Variants in DUSP14 observed in about 807,000 individuals in gnomAD.
DUSP14 encodes the protein dual specificity protein phosphatase 14.
Under a neutral mutation model 13.2 loss-of-function variants are expected in DUSP14, and 5 were observed. That is an observed-to-expected ratio of 0.38 (90% CI 0.20 to 0.80). The LOEUF (loss-of-function observed/expected upper bound fraction) is 0.80. Among genes scored for constraint, DUSP14 ranks in the 30% least tolerant of loss-of-function variants. The pLI is 0.44. For synonymous variants in DUSP14, 91 were observed against 103.4 expected (o/e 0.88, Z 0.73); for missense variants, 185 against 264.0 (o/e 0.70, Z 2.07).
At chr17:37,509,542 G>A (rs1354532725) in intron 1 of DUSP14, among the ~76,000 whole-genome samples, 1 of 151,424 alleles carries the variant, frequency 6.6e-6, no homozygotes, top group Non-Finnish European at 1.5e-5. Context: ...GGCTGGTCTC[G>A]AACTCCTGGC....
chr17:37,495,885 C>T (rs991536523), intron 1 of DUSP14, among the ~76,000 whole-genome samples: 1 of 152,136 alleles, frequency 6.6e-6, no homozygotes, highest in Admixed American at 6.6e-5. Flanking sequence ...GTCTCGATCT[C>T]ATGACCTCGT....
intron 1 of DUSP14, among the ~76,000 whole-genome samples, chr17:37,496,289 T>C (rs910513419): frequency 1.3e-5 from 2 of 152,216 alleles, no homozygotes; most frequent in African/African-American, 4.8e-5. Flanking sequence ...AAAATATTTT[T>C]TACTTTTAGA....
chr17:37,499,150 C>T (rs2054088627), intron 1 of DUSP14, among the ~76,000 whole-genome samples: 1 of 152,058 alleles, frequency 6.6e-6, no homozygotes, highest in African/African-American at 2.4e-5. Flanking sequence ...GGGGAAATGC[C>T]AGACGCTTAT....
At position 37,498,154 on chromosome 17, in the gene DUSP14, A is replaced by T. The variant is rs114835952; in HGVS notation, c.-181+8196A>T. 4.9e-3 allele frequency among the ~76,000 whole-genome samples: 746 copies of T among 151,850 alleles called. 4 individuals carry two copies. Among genetic ancestry groups the T allele is most frequent in the African/African-American group, 0.017 (695 of 41,424 alleles). ...TAGAGCATTTCACATTTCACATGAT[A>T]TTTCTTTTTTTTCCTTTTTGTCACA... On this transcript the variant is annotated intron_variant, in intron 1 of 2. Coordinates refer to ENST00000617516, the MANE Select transcript of DUSP14 (RefSeq NM_007026.4).
chr17:37,502,905 C>G (rs1300314678), intron 1 of DUSP14, among the ~76,000 whole-genome samples: 1 of 152,168 alleles, frequency 6.6e-6, no homozygotes, highest in African/African-American at 2.4e-5. Context: ...CAGCGTCGTT[C>G]TGTCGCCTAG....
At chr17:37,501,964 C>T (rs1272231825) in intron 1 of DUSP14, among the ~76,000 whole-genome samples, 4 of 152,074 alleles carry the variant, frequency 2.6e-5, no homozygotes, top group African/African-American at 9.7e-5. Context: ...CCAGTTGTTT[C>T]GTTCACTCAA....
At chr17:37,511,938 C>CTTTTTTTT (rs58893696) in intron 2 of DUSP14, among the ~76,000 whole-genome samples, 3 of 38,252 alleles carry the variant, frequency 7.8e-5, no homozygotes, top group East Asian at 9.5e-4. Context: ...CCCCACCCCA[C>CTTTTTTTT]TTTTTTTTTT....
At chr17:37,505,554 C>A (rs73291809) in intron 1 of DUSP14, among the ~76,000 whole-genome samples, 1 of 151,560 alleles carries the variant, frequency 6.6e-6, no homozygotes, top group African/African-American at 2.4e-5. Context: ...ACTGTTGTGG[C>A]CATTTTCTGC....
At position 37,510,806 on chromosome 17, in the gene DUSP14, C is replaced by G. The variant is rs2054178628; in HGVS notation, c.-93+42C>G. ...TGCCTGCCTGTTGAACCCGGGGAGG[C>G]TCTTGTCTGACTGAAATCACTGCAG... On this transcript the variant is annotated intron_variant, in intron 2 of 2. Transcript: ENST00000617516. 3 of 152,308 alleles carry G rather than the reference C, an allele frequency of 2.0e-5. No homozygotes were observed. In the South Asian group the frequency reaches 6.2e-4, roughly 32 times the overall value. The allele number at this position is 152,308 out of a possible 1,614,324, so 9.4% of individuals were successfully genotyped here.
At chr17:37,505,345 G>T (rs58201617) in intron 1 of DUSP14, among the ~76,000 whole-genome samples, 34,283 of 152,094 alleles carry the variant, frequency 0.23, 4,283 homozygotes, top group East Asian at 0.55. Context: ...TCTAGCCTGG[G>T]CAACAGAGTG....
intron 1 of DUSP14, among the ~76,000 whole-genome samples, chr17:37,495,346 A>T (rs944168735): frequency 9.9e-5 from 15 of 152,166 alleles, no homozygotes; most frequent in African/African-American, 3.1e-4. Flanking sequence ...TTCACACCCC[A>T]TGCCATGTTG....
At chr17:37,496,806 C>T (rs1048388373) in intron 1 of DUSP14, among the ~76,000 whole-genome samples, 8 of 150,414 alleles carry the variant, frequency 5.3e-5, no homozygotes, top group African/African-American at 2.0e-4. Flanking sequence ...ATCTCAGCTA[C>T]TTGGGAGACT....
chr17:37,490,516 G>A (rs2054020455), intron 1 of DUSP14, among the ~76,000 whole-genome samples: 1 of 152,160 alleles, frequency 6.6e-6, no homozygotes, highest in African/African-American at 2.4e-5. Context: ...CCCTTGCTCC[G>A]GAGCGAAGTT....
intron 1 of DUSP14, among the ~76,000 whole-genome samples, chr17:37,508,281 G>A (rs964416079): frequency 6.2e-5 from 9 of 145,680 alleles, no homozygotes; most frequent in Non-Finnish European, 1.4e-4. Context: ...ACGTGCCCCC[G>A]ACCCGCAGCC....
intron 1 of DUSP14, among the ~76,000 whole-genome samples, chr17:37,495,425 C>T (rs1306305883): frequency 6.6e-6 from 1 of 152,144 alleles, no homozygotes; most frequent in Non-Finnish European, 1.5e-5. Flanking sequence ...CTGTCTTTGT[C>T]CCAGAACAGT....
chr17:37,491,280 C>T (rs750945716), intron 1 of DUSP14, among the ~76,000 whole-genome samples: 1 of 152,214 alleles, frequency 6.6e-6, no homozygotes, highest in Non-Finnish European at 1.5e-5. Context: ...GAGGCACCCC[C>T]ACAGTGAACG....
At chr17:37,489,698 G>C (rs2054011757), upstream of DUSP14, 1 of 151,700 alleles carries the variant, frequency 6.6e-6, no homozygotes, top group Non-Finnish European at 1.5e-5. Flanking sequence ...CGGGAGCTAG[G>C]GCGCGCCCGG....
chr17:37,511,937 A>AGTTGTGTTTTTTTTTTTTTTTTT (rs1329764853), intron 2 of DUSP14, among the ~76,000 whole-genome samples: 1 of 16,442 alleles, frequency 6.1e-5, no homozygotes, highest in Non-Finnish European at 1.2e-4. Flanking sequence ...CCCCCACCCC[A>AGTTGTGTTTTTTTTTTTTTTTTT]CTTTTTTTTT....
At chr17:37,506,791 G>C (rs1196383922) in intron 1 of DUSP14, among the ~76,000 whole-genome samples, 1 of 152,190 alleles carries the variant, frequency 6.6e-6, no homozygotes, top group African/African-American at 2.4e-5. Flanking sequence ...CTGCAGCCAG[G>C]GGGATGTTTT....
Sources: allele counts gnomAD v4.1 joint callset (sites outside exome capture counted in the v4.1 genomes callset), GRCh38; gene constraint gnomAD v4.1.1; transcripts MANE v1.5; gene names NCBI Gene and HGNC (gene_info 2026-07-23, HGNC 2026-07-21).